KHDRBS3: variants seen among roughly 807,000 people sequenced by gnomAD.
KHDRBS3 encodes KH domain-containing, RNA-binding, signal transduction-associated protein 3.
KHDRBS3 carries 23 observed loss-of-function variants against 45.6 expected under a neutral mutation model. The ratio of observed to expected loss-of-function variants is 0.50; its 90% CI spans 0.36 to 0.72. The LOEUF (loss-of-function observed/expected upper bound fraction) is 0.72. KHDRBS3 is among the 30% of genes least tolerant of loss of function. The pLI is 0.00. For missense variants in KHDRBS3, 352 were observed against 424.8 expected, an observed-to-expected ratio of 0.83 and a Z score of 1.51; for synonymous variants, 162 against 156.5, an observed-to-expected ratio of 1.04 and a Z score of -0.26.
At chr8:135,524,302 T>A (rs1362793661) in intron 2 of KHDRBS3, among the ~76,000 whole-genome samples, 1 of 152,302 alleles carries the variant, frequency 6.6e-6, no homozygotes, top group Non-Finnish European at 1.5e-5. Context: ...ACTCCCAGCC[T>A]GACCTGTACA....
chr8:135,573,582 C>T (rs538388108), intron 5 of KHDRBS3, among the ~76,000 whole-genome samples: 1 of 152,318 alleles, frequency 6.6e-6, no homozygotes, highest in East Asian at 1.9e-4. Flanking sequence ...AAAACTGAGG[C>T]TTAAAGATCA....
At chr8:135,645,357 GT>G (rs1563829921) in intron 8 of KHDRBS3, among the ~76,000 whole-genome samples, 7 of 152,170 alleles carry the variant, frequency 4.6e-5, no homozygotes. Context: ...TTATGTTTGA[GT>G]TGGTCGCCGT....
intron 7 of KHDRBS3, among the ~76,000 whole-genome samples, chr8:135,641,393 TGA>T (rs1831052467): frequency 6.6e-6 from 1 of 152,182 alleles, no homozygotes; most frequent in African/African-American, 2.4e-5. Context: ...AGTTTTATGG[TGA>T]GGTTACTCAT....
intron 1 of KHDRBS3, among the ~76,000 whole-genome samples, chr8:135,507,068 A>G (rs1359925229): frequency 1.3e-5 from 2 of 152,144 alleles, no homozygotes; most frequent in African/African-American, 4.8e-5. Context: ...GACTGCAGAT[A>G]TATTCTATAT....
chr8:135,645,351 G>T (rs745683758), intron 8 of KHDRBS3, among the ~76,000 whole-genome samples: 3 of 152,128 alleles, frequency 2.0e-5, no homozygotes, highest in Non-Finnish European at 2.9e-5. Flanking sequence ...TAAATTTTAT[G>T]TTTGAGTTGG....
intron 5 of KHDRBS3, among the ~76,000 whole-genome samples, chr8:135,565,621 A>G (rs944667680): frequency 2.6e-5 from 4 of 152,156 alleles, no homozygotes; most frequent in African/African-American, 9.7e-5. Context: ...CTTGTGGTTC[A>G]GTTGTCACTA....
intron 1 of KHDRBS3, among the ~76,000 whole-genome samples, chr8:135,517,706 C>T (rs1824684190): frequency 1.3e-5 from 2 of 152,160 alleles, no homozygotes; most frequent in Admixed American, 1.3e-4. Context: ...ATGATTTAAA[C>T]CAGGTCTGTT....
chr8:135,600,151 T>C (rs953386510), intron 6 of KHDRBS3, among the ~76,000 whole-genome samples: 52 of 152,358 alleles, frequency 3.4e-4, no homozygotes, highest in African/African-American at 1.2e-3. Context: ...ATTTGTTCTT[T>C]ATCTTGTATC....
At chr8:135,504,808 T>C (rs192431733) in intron 1 of KHDRBS3, among the ~76,000 whole-genome samples, 20 of 152,308 alleles carry the variant, frequency 1.3e-4, no homozygotes, top group Middle Eastern at 3.4e-3. Context: ...GGAATATTCA[T>C]TGTGGCTTCA....
At chr8:135,473,854 A>C (rs2317267) in intron 1 of KHDRBS3, among the ~76,000 whole-genome samples, 121,754 of 152,142 alleles carry the variant, frequency 0.8, 49,225 homozygotes, top group East Asian at 0.96. Flanking sequence ...TTGCTTACTG[A>C]AGGAAGCCCC....
At chr8:135,487,715 T>C (rs745927635) in intron 1 of KHDRBS3, among the ~76,000 whole-genome samples, 54 of 152,162 alleles carry the variant, frequency 3.5e-4, no homozygotes, top group Admixed American at 7.2e-4. Context: ...TCCTGGAGCC[T>C]CGATAGTCCA....
At chr8:135,492,202 A>G (rs1254992189) in intron 1 of KHDRBS3, among the ~76,000 whole-genome samples, 2 of 152,258 alleles carry the variant, frequency 1.3e-5, no homozygotes, top group Non-Finnish European at 2.9e-5. Flanking sequence ...TGGATATGAA[A>G]GTACTTTAGG....
chr8:135,467,128 A>G (rs1474032587), intron 1 of KHDRBS3, among the ~76,000 whole-genome samples: 2 of 152,236 alleles, frequency 1.3e-5, no homozygotes, highest in Admixed American at 1.3e-4. Flanking sequence ...GTACCCCCAC[A>G]ATTAAAAATA....
At chr8:135,460,912 T>G (rs982113282) in intron 1 of KHDRBS3, among the ~76,000 whole-genome samples, 1 of 152,202 alleles carries the variant, frequency 6.6e-6, no homozygotes, top group African/African-American at 2.4e-5. Flanking sequence ...ACTTCCTAAC[T>G]GAATTACTCT....
At chr8:135,553,450 T>A (rs1826717140) in intron 4 of KHDRBS3, among the ~76,000 whole-genome samples, 1 of 152,150 alleles carries the variant, frequency 6.6e-6, no homozygotes, top group Admixed American at 6.5e-5. Context: ...TGGACCTTGT[T>A]CCTATGAGCA....
intron 6 of KHDRBS3, among the ~76,000 whole-genome samples, chr8:135,589,850 C>T (rs1828665727): frequency 6.6e-6 from 1 of 152,188 alleles, no homozygotes. Context: ...TGTGTCGTGC[C>T]ATGTGTTATG....
intron 2 of KHDRBS3, among the ~76,000 whole-genome samples, chr8:135,537,221 G>A (rs1335897225): frequency 6.6e-6 from 1 of 152,126 alleles, no homozygotes; most frequent in Non-Finnish European, 1.5e-5. Flanking sequence ...TTGAAGCTAT[G>A]GTGGCGGAGT....
intron 7 of KHDRBS3, among the ~76,000 whole-genome samples, chr8:135,628,383 A>T (rs1032860399): frequency 2.6e-5 from 4 of 152,140 alleles, no homozygotes; most frequent in Middle Eastern, 3.2e-3. Flanking sequence ...TGAACCTCCT[A>T]ATTTCATACT....
chr8:135,638,967 C>CA (rs35677198), intron 7 of KHDRBS3, among the ~76,000 whole-genome samples: 38,353 of 91,968 alleles, frequency 0.42, 6,052 homozygotes, highest in Middle Eastern at 0.46. Context: ...GACTCCGTCT[C>CA]AAAAAAAAAA....
Sources: gnomAD v4.1 joint callset for allele counts (sites outside exome capture counted in the v4.1 genomes callset) on GRCh38, gnomAD v4.1.1 for gene constraint, MANE v1.5 for transcripts, NCBI Gene and HGNC (gene_info 2026-07-23, HGNC 2026-07-21) for gene names.